PRKD1: variants seen among roughly 807,000 people sequenced by gnomAD.
PRKD1 encodes serine/threonine-protein kinase D1.
PRKD1 carries 63 observed loss-of-function variants against 95.9 expected under a neutral mutation model. The ratio of observed to expected loss-of-function variants is 0.66; its 90% CI spans 0.54 to 0.81. The LOEUF (loss-of-function observed/expected upper bound fraction) is 0.81. Ranked by LOEUF, PRKD1 falls within the 30% of genes least tolerant of loss-of-function variation. The pLI is 0.00. For synonymous variants in PRKD1, 425 were observed against 423.1 expected (o/e 1.00, Z -0.05); for missense variants, 1,048 against 1,165.3 (o/e 0.90, Z 1.47).
At chr14:29,756,343 C>T (rs1887695583) in intron 1 of PRKD1, among the ~76,000 whole-genome samples, 1 of 152,094 alleles carries the variant, frequency 6.6e-6, no homozygotes, top group Non-Finnish European at 1.5e-5. Flanking sequence ...TGCGTAAAGA[C>T]TTTCTAAGTT....
At position 29,686,365 on chromosome 14, in the gene PRKD1, C is replaced by T. The variant is rs45583238; in HGVS notation, c.404-20157G>A. Among the ~76,000 whole-genome samples, 9 of 152,162 alleles carry T rather than the reference C, an allele frequency of 5.9e-5. No homozygotes were observed. In the East Asian group the frequency reaches 1.7e-3, roughly 30 times the overall value. Reference sequence around the variant, plus strand: ...CAGTGTGTCAGTTGGGAGTGAGGGGCTTTAAGCTCTACACTCTGGCATGTT... The same window carrying T: ...CAGTGTGTCAGTTGGGAGTGAGGGGTTTTAAGCTCTACACTCTGGCATGTT... On this transcript the variant is annotated intron_variant, in intron 2 of 17. Coordinates refer to ENST00000331968, the MANE Select transcript of PRKD1 (RefSeq NM_002742.3).
chr14:29,775,464 C>T (rs1227319164), intron 1 of PRKD1, among the ~76,000 whole-genome samples: 1 of 152,204 alleles, frequency 6.6e-6, no homozygotes, highest in African/African-American at 2.4e-5. Context: ...TGCGCTTTTC[C>T]AGTGGTCTTA....
intron 4 of PRKD1, among the ~76,000 whole-genome samples, chr14:29,647,342 T>G (rs1881189920): frequency 6.6e-6 from 1 of 152,180 alleles, no homozygotes; most frequent in Admixed American, 6.5e-5. Context: ...TCTTAAGTGA[T>G]CTACCCATTG....
intron 1 of PRKD1, among the ~76,000 whole-genome samples, chr14:29,780,588 G>A (rs1413238609): frequency 1.3e-5 from 2 of 152,204 alleles, no homozygotes; most frequent in African/African-American, 2.4e-5. Context: ...ACCACAATCA[G>A]ATACCAGCTC....
At chr14:29,789,077 G>A (rs866408011) in intron 1 of PRKD1, among the ~76,000 whole-genome samples, 14 of 152,150 alleles carry the variant, frequency 9.2e-5, no homozygotes, top group South Asian at 6.2e-4. Flanking sequence ...TGTAGAGACA[G>A]GGTCTCATAT....
chr14:29,724,674 G>A (rs1886056665), intron 2 of PRKD1, among the ~76,000 whole-genome samples: 1 of 152,094 alleles, frequency 6.6e-6, no homozygotes. Context: ...AGGAACTTGA[G>A]GAAATAAACT....
intron 1 of PRKD1, among the ~76,000 whole-genome samples, chr14:29,796,511 A>C (rs1413536177): frequency 6.6e-6 from 1 of 152,174 alleles, no homozygotes; most frequent in Non-Finnish European, 1.5e-5. Context: ...ATCAGTCTAT[A>C]AATCATATTT....
intron 13 of PRKD1, among the ~76,000 whole-genome samples, chr14:29,610,294 T>C (rs1253942315): frequency 1.3e-5 from 2 of 151,936 alleles, no homozygotes; most frequent in East Asian, 3.9e-4. Flanking sequence ...TTATCTAAAA[T>C]ATACAAAGAA....
intron 4 of PRKD1, among the ~76,000 whole-genome samples, chr14:29,661,783 C>T (rs1284690733): frequency 2.0e-5 from 3 of 152,180 alleles, no homozygotes; most frequent in Non-Finnish European, 4.4e-5. Context: ...AAGCTTATGA[C>T]TCCCATCCCA....
In PRKD1 at chr14:29,696,754, A is replaced by AT. The variant is rs565458069; in HGVS notation, c.403+28781dup. Among the ~76,000 whole-genome samples, 13 of 152,050 alleles carry AT rather than the reference A, an allele frequency of 8.5e-5. No homozygotes were observed. In the East Asian group the frequency reaches 1.4e-3, roughly 16 times the overall value. On this transcript the variant is annotated intron_variant, in intron 2 of 17. Coordinates refer to ENST00000331968, the MANE Select transcript of PRKD1 (RefSeq NM_002742.3). The stretch of plus-strand genomic sequence containing the variant: ...CTGCTTGAAATATTCAGTCATCTCA[A>AT]TTTTTTTTGTTTTCTCATTTCCTAG...
At chr14:29,602,503 C>T (rs1433806983) in intron 13 of PRKD1, among the ~76,000 whole-genome samples, 1 of 150,296 alleles carries the variant, frequency 6.7e-6, no homozygotes, top group Non-Finnish European at 1.5e-5. Context: ...AATCTCGGCT[C>T]ACCACAACCT....
intron 1 of PRKD1, among the ~76,000 whole-genome samples, chr14:29,769,844 AAATT>A (rs1263478766): frequency 1.3e-5 from 2 of 152,238 alleles, no homozygotes; most frequent in Non-Finnish European, 2.9e-5. Context: ...AATATGCAAT[AAATT>A]ATGTATTATA....
At chr14:29,614,704 TA>T (rs1055808962) in intron 13 of PRKD1, among the ~76,000 whole-genome samples, 24 of 151,912 alleles carry the variant, frequency 1.6e-4, no homozygotes, top group South Asian at 4.2e-4. Context: ...TATACACATA[TA>T]TTTTTTTTTT....
intron 1 of PRKD1, among the ~76,000 whole-genome samples, chr14:29,816,047 A>G (rs549125189): frequency 4.3e-4 from 66 of 152,152 alleles, no homozygotes; most frequent in African/African-American, 1.4e-3. Context: ...GTGAAACCCC[A>G]TCTCTACTAA....
At chr14:29,891,587 T>C (rs1314478414) in intron 1 of PRKD1, among the ~76,000 whole-genome samples, 1 of 152,078 alleles carries the variant, frequency 6.6e-6, no homozygotes, top group East Asian at 1.9e-4. Flanking sequence ...AATAGGACCA[T>C]GCTCTCCTAT....
At chr14:29,908,439 G>A (rs112961433) in intron 1 of PRKD1, among the ~76,000 whole-genome samples, 2,079 of 152,020 alleles carry the variant, frequency 0.014, 47 homozygotes, top group East Asian at 0.062. Flanking sequence ...GATAACAGGC[G>A]CCCACCACCA....
intron 2 of PRKD1, among the ~76,000 whole-genome samples, chr14:29,695,353 A>G (rs1300161572): frequency 6.6e-6 from 1 of 152,200 alleles, no homozygotes; most frequent in East Asian, 1.9e-4. Context: ...CAGGTCTTCT[A>G]ACTGTTGTAT....
chr14:29,774,018 A>C (rs1421402210), intron 1 of PRKD1, among the ~76,000 whole-genome samples: 1 of 152,244 alleles, frequency 6.6e-6, no homozygotes, highest in African/African-American at 2.4e-5. Flanking sequence ...AAGAAAGAAA[A>C]GATCAGTTGA....
At chr14:29,742,605 G>A (rs1325558787) in intron 1 of PRKD1, among the ~76,000 whole-genome samples, 1 of 152,028 alleles carries the variant, frequency 6.6e-6, no homozygotes, top group Non-Finnish European at 1.5e-5. Context: ...ATGAAAGGCT[G>A]AAATAAAAAA....
Sources: allele counts gnomAD v4.1 joint callset (sites outside exome capture counted in the v4.1 genomes callset), GRCh38; gene constraint gnomAD v4.1.1; transcripts MANE v1.5; gene names NCBI Gene and HGNC (gene_info 2026-07-23, HGNC 2026-07-21).